Variants in METAP1 observed in about 807,000 individuals in gnomAD.
The protein encoded by METAP1 is methionyl aminopeptidase 1.
In METAP1, 28 loss-of-function variants were observed where a neutral mutation model predicts 53.8. The ratio of observed to expected loss-of-function variants is 0.52; its 90% CI spans 0.39 to 0.71. METAP1 has a LOEUF of 0.71. METAP1 is among the 30% of genes least tolerant of loss of function. METAP1 has a pLI of 0.00. For missense variants in METAP1, 389 were observed against 479.8 expected (o/e 0.81, Z 1.77); for synonymous variants, 181 against 165.7 (o/e 1.09, Z -0.71).
At chr4:99,024,556 A>G (rs557700989) in intron 1 of METAP1, among the ~76,000 whole-genome samples, 3 of 152,188 alleles carry the variant, frequency 2.0e-5, no homozygotes, top group Non-Finnish European at 4.4e-5. Context: ...CCACAAGACC[A>G]CATGAGCCAG....
intron 1 of METAP1, chr4:99,023,361 AT>A (rs1014470469): frequency 6.9e-4 from 577 of 841,962 alleles, no homozygotes; most frequent in South Asian, 1.0e-3. Context: ...GGGTCAAAGT[AT>A]TTTTTTTTGT....
At chr4:99,023,601 G>C (rs1453268593) in intron 1 of METAP1, 1 of 985,258 alleles carries the variant, frequency 1.0e-6, no homozygotes, top group Non-Finnish European at 1.2e-6. Context: ...ACACATTATG[G>C]GTGGTCACAT....
At chr4:99,005,369 CAT>C (rs1402849816) in intron 1 of METAP1, among the ~76,000 whole-genome samples, 4 of 152,050 alleles carry the variant, frequency 2.6e-5, no homozygotes, top group Admixed American at 6.6e-5. Flanking sequence ...GGCCAACAAA[CAT>C]ATGAAAAAAT....
chr4:99,060,452 C>T (rs1560744107), intron 10 of METAP1, among the ~76,000 whole-genome samples: 1 of 151,184 alleles, frequency 6.6e-6, no homozygotes, highest in East Asian at 1.9e-4. Flanking sequence ...CAAGCTCTGC[C>T]TCCCAGGTTC....
chr4:99,050,113 C>T (rs573272514), intron 9 of METAP1, among the ~76,000 whole-genome samples: 59 of 151,984 alleles, frequency 3.9e-4, no homozygotes, highest in African/African-American at 1.2e-3. Context: ...GTGCAGGGGG[C>T]GGTGGGAGAA....
rs577057371 is a variant in METAP1 at position 99,042,278 on chromosome 4, T to G, written c.517-971T>G. Among the ~76,000 whole-genome samples, 19 of 152,146 alleles carry G rather than the reference T, an allele frequency of 1.2e-4. No individual in the cohort carries two copies. In the South Asian group the frequency reaches 1.4e-3, roughly 12 times the overall value. On this transcript the variant is annotated intron_variant, in intron 6 of 10. Transcript: ENST00000296411. ...GTAGTTATTGGTTGTAAGATTTTTT[T>G]TTTTTTTGTAATTGAGGAAACTTCA...
At chr4:99,019,584 C>T (rs1723968750) in intron 1 of METAP1, among the ~76,000 whole-genome samples, 2 of 152,190 alleles carry the variant, frequency 1.3e-5, no homozygotes, top group South Asian at 4.1e-4. Flanking sequence ...CGACCCCTGC[C>T]TCTCTGTGAG....
intron 1 of METAP1, among the ~76,000 whole-genome samples, chr4:98,996,314 C>G (rs2110265704): frequency 6.6e-6 from 1 of 152,306 alleles, no homozygotes; most frequent in South Asian, 2.1e-4. Flanking sequence ...GCTGGAGGCG[C>G]CGGGCCGTCC....
At chr4:99,057,081 T>C (rs1167351047) in intron 9 of METAP1, among the ~76,000 whole-genome samples, 1 of 152,174 alleles carries the variant, frequency 6.6e-6, no homozygotes, top group African/African-American at 2.4e-5. Context: ...GCCAGGCTGG[T>C]CTCAAACTCC....
intron 1 of METAP1, chr4:99,023,115 G>A (rs979871481): frequency 4.2e-5 from 42 of 998,166 alleles, no homozygotes; most frequent in Non-Finnish European, 5.5e-5. Flanking sequence ...GGCCTTCTCC[G>A]ATTCCTCTGC....
In METAP1 at chr4:98,995,855, C is replaced by G; in HGVS notation, c.102C>G (p.Tyr34Ter). 1 of 1,541,468 alleles carries G rather than the reference C, an allele frequency of 6.5e-7. No individual in the cohort carries two copies. Among genetic ancestry groups the G allele is most frequent in the Non-Finnish European group, 8.8e-7 (1 of 1,142,232 alleles). Residue 34 changes from tyrosine to a stop codon, truncating the protein, a stop_gained, in exon 1 of 11, where the codon TAC becomes TAG. Transcript: ENST00000296411. LOFTEE classifies it high-confidence loss of function. The part of the protein sequence containing the change: ...TCIKLGIQGS[Y>*]FCSQECFKGS... ...TCAAGCTGGGCATCCAGGGCTCGTA[C>G]TTCTGCTCGCAGGTAGGCGCCCGCT...
chr4:99,024,335 T>C (rs982459667), intron 1 of METAP1, among the ~76,000 whole-genome samples: 1 of 152,234 alleles, frequency 6.6e-6, no homozygotes, highest in Non-Finnish European at 1.5e-5. Flanking sequence ...GTCTTGCCGA[T>C]GTTCCTGGCC....
intron 4 of METAP1, among the ~76,000 whole-genome samples, chr4:99,037,096 A>G (rs1288361215): frequency 6.6e-6 from 1 of 151,972 alleles, no homozygotes; most frequent in African/African-American, 2.4e-5. Context: ...TTCATATATT[A>G]AAGTCATTTA....
At chr4:99,026,154 A>G in intron 1 of METAP1, 1 of 879,926 alleles carries the variant, frequency 1.1e-6, no homozygotes, top group African/African-American at 1.8e-5. Flanking sequence ...TTGGCAAAAT[A>G]AACTTTCTAA....
intron 1 of METAP1, among the ~76,000 whole-genome samples, chr4:99,021,141 T>C (rs1253616420): frequency 1.3e-5 from 2 of 152,224 alleles, no homozygotes; most frequent in African/African-American, 2.4e-5. Context: ...CTCAGTTCCC[T>C]GGAGATAACT....
intron 2 of METAP1, among the ~76,000 whole-genome samples, chr4:99,033,183 A>G (rs1725171423): frequency 6.6e-6 from 1 of 152,080 alleles, no homozygotes; most frequent in Non-Finnish European, 1.5e-5. Context: ...CTCTAAGTTT[A>G]ACATTTTAAG....
intron 8 of METAP1, among the ~76,000 whole-genome samples, chr4:99,047,538 C>T (rs997767715): frequency 1.3e-5 from 2 of 150,832 alleles, no homozygotes; most frequent in African/African-American, 2.5e-5. Flanking sequence ...CCAGAAACCT[C>T]CTTCCTTCTC....
At chr4:99,027,667 T>TC in intron 1 of METAP1, among the ~76,000 whole-genome samples, 1 of 151,808 alleles carries the variant, frequency 6.6e-6, no homozygotes, top group African/African-American at 2.4e-5. Context: ...TAACCCAACC[T>TC]CCCCAAAAGA....
chr4:99,005,324 A>G (rs903676796), intron 1 of METAP1, among the ~76,000 whole-genome samples: 1 of 152,252 alleles, frequency 6.6e-6, no homozygotes, highest in East Asian at 1.9e-4. Context: ...AAAGTGGGCA[A>G]ATGACCTAAA....
Sources: allele counts gnomAD v4.1 joint callset (sites outside exome capture counted in the v4.1 genomes callset), GRCh38; gene constraint gnomAD v4.1.1; transcripts MANE v1.5; gene names NCBI Gene and HGNC (gene_info 2026-07-23, HGNC 2026-07-21).